The following CDS2 variants were observed in gnomAD, a reference collection of about 807,000 sequenced individuals.
CDS2 encodes the protein CDP-diacylglycerol synthase 2, also known as phosphatidate cytidylyltransferase 2.
In CDS2, 47 loss-of-function variants were observed where a neutral mutation model predicts 59.0. The ratio of observed to expected loss-of-function variants is 0.80; its 90% CI spans 0.63 to 1.02. The LOEUF (loss-of-function observed/expected upper bound fraction) is 1.02, where lower values mean the gene tolerates loss of function less well. CDS2 is among the 50% of genes least tolerant of loss of function. The pLI is 0.00. For synonymous variants in CDS2, 207 were observed against 206.4 expected (o/e 1.00, Z -0.02); for missense variants, 356 against 558.9 (o/e 0.64, Z 3.66).
In CDS2 at chr20:5,196,747, C is replaced by G. The variant is rs1227538915; in HGVS notation, c.*6513C>G. ...CTGTTTCTTTTAAATCCTCTGTGCA[C>G]AGGGCTCTGGCCTTTAGTAAACTGT... On this transcript the variant is annotated 3_prime_UTR_variant, in exon 13 of 13. Transcript: ENST00000460006. 1 of 152,320 alleles carries G rather than the reference C, an allele frequency of 6.6e-6. No individual in the cohort carries two copies. Among genetic ancestry groups the G allele is most frequent in the African/African-American group, 2.4e-5 (1 of 41,450 alleles). The allele number at this position is 152,320 out of a possible 1,614,324, so 9.4% of individuals were successfully genotyped here. A position where few individuals can be genotyped will look rare whatever the true frequency, so the allele number is the denominator to read the frequency against.
At chr20:5,183,960 G>T (rs371283211) in intron 7 of CDS2, among the ~76,000 whole-genome samples, 1 of 152,088 alleles carries the variant, frequency 6.6e-6, no homozygotes, top group African/African-American at 2.4e-5. Flanking sequence ...GTTGAAGACC[G>T]GCCTGGGCAA....
At chr20:5,173,453 C>G in intron 1 of CDS2, 70 bp from the exon 2 acceptor site, 1 of 1,553,410 alleles carries the variant, frequency 6.4e-7, no homozygotes, top group South Asian at 1.1e-5. Flanking sequence ...TCTCTCATGA[C>G]AGGCATAGAC....
chr20:5,178,361 G>A (rs1247089656), intron 4 of CDS2, among the ~76,000 whole-genome samples: 1 of 152,200 alleles, frequency 6.6e-6, no homozygotes, highest in Non-Finnish European at 1.5e-5. Flanking sequence ...AAATGGAGAA[G>A]CAAAGAGAAT....
At chr20:5,164,940 A>G (rs1363699745) in intron 1 of CDS2, among the ~76,000 whole-genome samples, 1 of 152,242 alleles carries the variant, frequency 6.6e-6, no homozygotes, top group Non-Finnish European at 1.5e-5. Context: ...TCATATTTAT[A>G]GTCATATGCT....
Position 5,190,450 on chromosome 20 carries a change from GGAAA to G in CDS2, c.*220_*223del. On this transcript the variant is annotated 3_prime_UTR_variant, in exon 13 of 13. Transcript: ENST00000460006. ...TGTAAGTAAACTACAGCTTTGAGTT[GGAAA>G]GAAGTCACGGGTTGTAAAACCATTT... 2.4e-6 allele frequency: 1 copy of G among 418,376 alleles called. No homozygotes were observed. The highest frequency in any genetic ancestry group is 6.2e-4 in the Middle Eastern group (1 of 1,602). 25.9% of individuals were successfully genotyped at this position (418,376 alleles called of 1,614,324 possible).
intron 1 of CDS2, among the ~76,000 whole-genome samples, chr20:5,167,294 C>T (rs1265771706): frequency 2.0e-5 from 3 of 152,162 alleles, no homozygotes; most frequent in Non-Finnish European, 4.4e-5. Context: ...TGAAGCTGTC[C>T]ATCTGGGTAG....
intron 10 of CDS2, among the ~76,000 whole-genome samples, chr20:5,188,771 G>C (rs1252367256): frequency 1.3e-5 from 2 of 152,178 alleles, no homozygotes; most frequent in Non-Finnish European, 2.9e-5. Flanking sequence ...TGGCGGAGAA[G>C]GTCAAAGGTG....
At position 5,173,813 on chromosome 20, in the gene CDS2, A is replaced by C. The variant is rs568825029; in HGVS notation, c.194+154A>C. On this transcript the variant is annotated intron_variant, in intron 2 of 12. Transcript: ENST00000460006. ...ACTGCTCCAGGCTCCATTGAGTGTA[A>C]TCTAGTGCTTAGCAGTGGCAGTGAG... 1.1e-3 allele frequency among the ~76,000 whole-genome samples: 168 copies of C among 152,316 alleles called. 2 individuals are homozygous for C. In the Middle Eastern group the frequency reaches 0.014, roughly 12 times the overall value.
intron 1 of CDS2, among the ~76,000 whole-genome samples, chr20:5,152,172 GT>G (rs1277489297): frequency 6.6e-6 from 1 of 151,266 alleles, no homozygotes; most frequent in African/African-American, 2.4e-5. Flanking sequence ...TTTTGTTCAA[GT>G]TTTTTTTTCT....
intron 1 of CDS2, among the ~76,000 whole-genome samples, chr20:5,135,681 T>C (rs552328438): frequency 1.3e-5 from 2 of 152,260 alleles, no homozygotes; most frequent in South Asian, 2.1e-4. Flanking sequence ...GTCACTGATA[T>C]TTGTTCTCAT....
chr20:5,161,813 T>C (rs571123496), intron 1 of CDS2, among the ~76,000 whole-genome samples: 30 of 152,348 alleles, frequency 2.0e-4, no homozygotes, highest in Middle Eastern at 3.4e-3. Flanking sequence ...CGTCTTGCTC[T>C]TTTTTGTCTC....
intron 1 of CDS2, among the ~76,000 whole-genome samples, chr20:5,172,576 G>A (rs17178968): frequency 0.034 from 5,142 of 152,256 alleles, 136 homozygotes; most frequent in East Asian, 0.08. Flanking sequence ...ATTGGGCCAC[G>A]CATTGAACTT....
chr20:5,155,205 G>T (rs2090823901), intron 1 of CDS2, among the ~76,000 whole-genome samples: 1 of 152,216 alleles, frequency 6.6e-6, no homozygotes, highest in African/African-American at 2.4e-5. Flanking sequence ...TTTGGGAAGG[G>T]CTGAAATGCT....
intron 1 of CDS2, among the ~76,000 whole-genome samples, chr20:5,134,924 TAAAC>T (rs1314648490): frequency 6.6e-6 from 1 of 152,212 alleles, no homozygotes; most frequent in Non-Finnish European, 1.5e-5. Context: ...ATATGTTTGA[TAAAC>T]AAGAAGATTG....
chr20:5,148,283 A>G (rs1349072634), intron 1 of CDS2, among the ~76,000 whole-genome samples: 1 of 152,168 alleles, frequency 6.6e-6, no homozygotes, highest in African/African-American at 2.4e-5. Context: ...CAGGTGTCCT[A>G]CTGTCTAAAG....
Position 5,186,785 on chromosome 20 carries a change from G to GT in CDS2, c.930dup (p.Arg311SerfsTer55). 1.9e-6 allele frequency: 3 copies of GT among 1,614,134 alleles called. No individual in the cohort carries two copies. Among genetic ancestry groups the GT allele is most frequent in the Non-Finnish European group, 2.5e-6 (3 of 1,180,016 alleles). On this transcript the variant is annotated frameshift_variant, in exon 10 of 13. Coordinates refer to ENST00000460006, the MANE Select transcript of CDS2 (RefSeq NM_003818.4). LOFTEE classifies it high-confidence loss of function. ...CTGTGGACTGTGAGCCCTCGGACCT[G>GT]TTTCGCCTGCAGGAGTACAACATTC...
At position 5,156,585 on chromosome 20, in the gene CDS2, T is replaced by C. The variant is rs151202773; in HGVS notation, c.58-16938T>C. The stretch of plus-strand genomic sequence containing the variant: ...AGGAGGAAGAACTGAGAAGATGTCA[T>C]TGGAGAGGATTCAGATGCGATTAAT... On this transcript the variant is annotated intron_variant, in intron 1 of 12. Transcript: ENST00000460006. 1.6e-3 allele frequency among the ~76,000 whole-genome samples: 250 copies of C among 152,122 alleles called. 3 individuals carry two copies. Among genetic ancestry groups the C allele is most frequent in the Non-Finnish European group, 1.6e-3 (106 of 67,982 alleles).
intron 4 of CDS2, among the ~76,000 whole-genome samples, chr20:5,178,514 CAT>C (rs1230918077): frequency 6.6e-6 from 1 of 152,072 alleles, no homozygotes. Context: ...TTTTGAAGGT[CAT>C]ATGGTTCAAG....
chr20:5,160,816 T>G (rs886889926), intron 1 of CDS2, among the ~76,000 whole-genome samples: 7 of 152,244 alleles, frequency 4.6e-5, no homozygotes, highest in Non-Finnish European at 7.3e-5. Flanking sequence ...TTTGTCCTTT[T>G]GTGTGTGGCT....
Sources: allele counts gnomAD v4.1 joint callset (sites outside exome capture counted in the v4.1 genomes callset), GRCh38; gene constraint gnomAD v4.1.1; transcripts MANE v1.5; gene names NCBI Gene and HGNC (gene_info 2026-07-23, HGNC 2026-07-21).